WWP2: variants seen among roughly 807,000 people sequenced by gnomAD.
WWP2 encodes NEDD4-like E3 ubiquitin-protein ligase WWP2.
WWP2 carries 57 observed loss-of-function variants against 121.0 expected under a neutral mutation model. The observed-to-expected ratio is 0.47, with a 90% CI of 0.38 to 0.59. The LOEUF (loss-of-function observed/expected upper bound fraction) is 0.59. Ranked by LOEUF, WWP2 falls within the 20% of genes least tolerant of loss-of-function variation. The pLI, the probability that WWP2 is intolerant of heterozygous loss-of-function variation, is 0.00. For missense variants in WWP2, 962 were observed against 1,158.9 expected (o/e 0.83, Z 2.47); for synonymous variants, 449 against 441.3 (o/e 1.02, Z -0.22).
At chr16:69,910,299 T>G (rs965279064) in intron 9 of WWP2, 2 of 906,546 alleles carry the variant, frequency 2.2e-6, no homozygotes, top group African/African-American at 3.6e-5. Flanking sequence ...ATATTTGACT[T>G]TCTATAATTG....
intron 7 of WWP2, among the ~76,000 whole-genome samples, chr16:69,877,213 TC>T (rs1250508573): frequency 6.6e-6 from 1 of 152,242 alleles, no homozygotes; most frequent in Non-Finnish European, 1.5e-5. Flanking sequence ...AGCTAGATCT[TC>T]TGGATAGCTT....
At chr16:69,780,447 C>T (rs2055640949) in intron 1 of WWP2, among the ~76,000 whole-genome samples, 1 of 152,198 alleles carries the variant, frequency 6.6e-6, no homozygotes, top group Non-Finnish European at 1.5e-5. Context: ...CATCCTTGAA[C>T]ATGGCCTCTT....
intron 6 of WWP2, among the ~76,000 whole-genome samples, chr16:69,858,745 G>A (rs116236508): frequency 1.3e-3 from 199 of 152,306 alleles, no homozygotes; most frequent in African/African-American, 4.6e-3. Flanking sequence ...AAAAGAAGGT[G>A]TAAAGTCCGT....
intron 6 of WWP2, among the ~76,000 whole-genome samples, chr16:69,844,805 G>C (rs1255484627): frequency 6.6e-6 from 1 of 152,206 alleles, no homozygotes; most frequent in African/African-American, 2.4e-5. Flanking sequence ...CTTTTACTAC[G>C]TGTAGCATCT....
At chr16:69,908,457 A>G (rs1424341827) in intron 8 of WWP2, among the ~76,000 whole-genome samples, 1 of 150,660 alleles carries the variant, frequency 6.6e-6, no homozygotes, top group Non-Finnish European at 1.5e-5. Flanking sequence ...AGAAATGCTG[A>G]ATTTTTTTAA....
rs141085881 is a variant in WWP2, at chr16:69,868,299, G to A, written c.576-3505G>A. ...CCCAGCCCATCATTCAGGGTAAGCC[G>A]CTATCATTAGTGGTTAAGTGTTTCT... On this transcript the variant is annotated intron_variant, in intron 6 of 23. Coordinates refer to ENST00000359154, the MANE Select transcript of WWP2 (RefSeq NM_001270454.2). 2.3e-4 allele frequency among the ~76,000 whole-genome samples: 35 copies of A among 152,034 alleles called. No individual in the cohort carries two copies. In the East Asian group the frequency reaches 4.5e-3, roughly 19 times the overall value.
intron 4 of WWP2, among the ~76,000 whole-genome samples, chr16:69,836,866 G>A (rs953429293): frequency 1.3e-5 from 2 of 151,846 alleles, no homozygotes; most frequent in Admixed American, 6.6e-5. Flanking sequence ...CCCACCCATC[G>A]CAGCCCATCT....
intron 7 of WWP2, among the ~76,000 whole-genome samples, chr16:69,875,961 T>A (rs1465270711): frequency 2.0e-5 from 3 of 152,222 alleles, no homozygotes; most frequent in Non-Finnish European, 4.4e-5. Flanking sequence ...TTTTTATTTT[T>A]TTATTTTTTT....
At chr16:69,826,723 CAAAA>C (rs201663365) in intron 4 of WWP2, among the ~76,000 whole-genome samples, 143 of 136,360 alleles carry the variant, frequency 1.0e-3, no homozygotes, top group East Asian at 5.6e-3. Context: ...AATAAAAATA[CAAAA>C]AAAAAAAAAA....
chr16:69,851,416 C>T (rs1298545733), intron 6 of WWP2, among the ~76,000 whole-genome samples: 4 of 152,030 alleles, frequency 2.6e-5, no homozygotes, highest in African/African-American at 9.7e-5. Flanking sequence ...TCCAGAATGT[C>T]GTATAGCTGG....
At chr16:69,822,017 C>CA (rs1467601538) in intron 4 of WWP2, among the ~76,000 whole-genome samples, 1 of 152,040 alleles carries the variant, frequency 6.6e-6, no homozygotes, top group Non-Finnish European at 1.5e-5. Flanking sequence ...CAGAAATGCA[C>CA]ACCACTATGC....
chr16:69,803,958 A>G (rs1322590620), intron 4 of WWP2, among the ~76,000 whole-genome samples: 1 of 152,148 alleles, frequency 6.6e-6, no homozygotes, highest in East Asian at 1.9e-4. Context: ...CCTCCACCCT[A>G]CTTTTTAAAG....
chr16:69,907,931 AG>A (rs2058318780), intron 8 of WWP2, among the ~76,000 whole-genome samples: 1 of 152,172 alleles, frequency 6.6e-6, no homozygotes. Flanking sequence ...CTCGGAGGAG[AG>A]GGGTAGTCAT....
At chr16:69,853,139 T>C (rs1044181729) in intron 6 of WWP2, among the ~76,000 whole-genome samples, 1 of 152,220 alleles carries the variant, frequency 6.6e-6, no homozygotes, top group Non-Finnish European at 1.5e-5. Flanking sequence ...GTCTAATGGA[T>C]GAATTCGGAG....
chr16:69,878,910 GATCA>G (rs1487056738), intron 7 of WWP2, among the ~76,000 whole-genome samples: 1 of 152,136 alleles, frequency 6.6e-6, no homozygotes, highest in African/African-American at 2.4e-5. Flanking sequence ...TTTCTAAGAG[GATCA>G]ATCATATATC....
chr16:69,862,105 G>C (rs534512661), intron 6 of WWP2, among the ~76,000 whole-genome samples: 1 of 152,164 alleles, frequency 6.6e-6, no homozygotes, highest in Non-Finnish European at 1.5e-5. Flanking sequence ...CGCTCTTGTT[G>C]CCCCGGCTGG....
At chr16:69,853,664 G>A (rs2057259118) in intron 6 of WWP2, among the ~76,000 whole-genome samples, 1 of 152,166 alleles carries the variant, frequency 6.6e-6, no homozygotes, top group African/African-American at 2.4e-5. Flanking sequence ...TGCAGGAACT[G>A]GTGAGGTTAC....
chr16:69,937,348 G>T lies in WWP2; in HGVS notation c.2238+110G>T. On this transcript the variant is annotated intron_variant, in intron 20 of 23. Coordinates refer to ENST00000359154, the MANE Select transcript of WWP2 (RefSeq NM_001270454.2). The surrounding 1 kb of genome is among the most constrained non-coding windows in gnomAD (Gnocchi z 6.6). ...CACTCAGCGTAAAACTCCCACTTCG[G>T]CAGGGCAGATGGGTTTGATTTGGGA... The T allele has an allele frequency of 1.3e-6, 2 of 1,528,820 alleles. No individual in the cohort carries two copies. Among genetic ancestry groups the T allele is most frequent in the Non-Finnish European group, 1.8e-6 (2 of 1,136,030 alleles). 94.7% of individuals were successfully genotyped at this position (1,528,820 alleles called of 1,614,324 possible). A position where few individuals can be genotyped will look rare whatever the true frequency, so the allele number is the denominator to read the frequency against.
At chr16:69,803,476 C>T (rs1016095560) in intron 4 of WWP2, among the ~76,000 whole-genome samples, 1 of 152,084 alleles carries the variant, frequency 6.6e-6, no homozygotes, top group Non-Finnish European at 1.5e-5. Context: ...CCATTTTTCT[C>T]AACATGTCGT....
Sources: gnomAD v4.1 joint callset for allele counts (sites outside exome capture counted in the v4.1 genomes callset) on GRCh38, gnomAD v4.1.1 for gene constraint, Gnocchi (gnomAD v3.1) non-coding constraint, MANE v1.5 for transcripts, NCBI Gene and HGNC (gene_info 2026-07-23, HGNC 2026-07-21) for gene names.